ST18: variants seen among roughly 807,000 people sequenced by gnomAD.
ST18 encodes suppression of tumorigenicity 18 protein.
A neutral mutation model predicts 110.0 loss-of-function variants in ST18; 50 were observed. The observed-to-expected ratio is 0.45, with a 90% confidence interval of 0.36 to 0.58. The LOEUF (loss-of-function observed/expected upper bound fraction) is 0.58. Among genes scored for constraint, ST18 ranks in the 20% least tolerant of loss-of-function variants. The pLI, the probability that ST18 is intolerant of heterozygous loss-of-function variation, is 0.00. For missense variants in ST18, 1,306 were observed against 1,280.1 expected, an observed-to-expected ratio of 1.02 and a Z score of -0.31; for synonymous variants, 461 against 452.4, an observed-to-expected ratio of 1.02 and a Z score of -0.24.
intron 9 of ST18, among the ~76,000 whole-genome samples, chr8:52,173,493 C>T (rs951711594): frequency 1.3e-5 from 2 of 152,164 alleles, no homozygotes; most frequent in Non-Finnish European, 2.9e-5. Flanking sequence ...GTCAGTGTCA[C>T]CCCCTCTTGC....
chr8:52,297,427 A>G (rs1242134234), intron 2 of ST18, among the ~76,000 whole-genome samples: 2 of 152,240 alleles, frequency 1.3e-5, no homozygotes, highest in Non-Finnish European at 2.9e-5. Flanking sequence ...TTAAACAATA[A>G]TTTACATGTT....
rs184772614 is a variant in ST18, at chr8:52,361,782, A to T, written c.-465+47546T>A. 3.9e-3 allele frequency among the ~76,000 whole-genome samples: 593 copies of T among 152,278 alleles called. 2 individuals carry two copies. The highest frequency in any genetic ancestry group is 0.014 in the African/African-American group (563 of 41,570). ...TAATTATTTAAAAAATGCGTTTGGGATCATGCTGAGAGGTAGGGTTTTATT... is the reference window on the plus strand; with the variant it reads ...TAATTATTTAAAAAATGCGTTTGGGTTCATGCTGAGAGGTAGGGTTTTATT... On this transcript the variant is annotated intron_variant, in intron 2 of 25. Transcript: ENST00000689386.
chr8:52,357,672 T>TATAA (rs1183670847), intron 2 of ST18, among the ~76,000 whole-genome samples: 6 of 73,008 alleles, frequency 8.2e-5, no homozygotes, highest in South Asian at 4.5e-4. Flanking sequence ...CCCCAAAATC[T>TATAA]ATAAATATAT....
chr8:52,214,500 A>T (rs962065078), intron 6 of ST18, among the ~76,000 whole-genome samples: 4 of 152,208 alleles, frequency 2.6e-5, no homozygotes, highest in African/African-American at 9.7e-5. Context: ...CTTGTCCACA[A>T]GTGTTTGAAG....
chr8:52,180,303 A>G lies in ST18; in HGVS notation c.96T>C (p.Tyr32=), dbSNP rs754774955. The change falls in exon 9 of 26, where the codon TAT becomes TAC. Residue 32 remains tyrosine (Y), a synonymous_variant. Coordinates refer to ENST00000689386, the MANE Select transcript of ST18 (RefSeq NM_001352837.2). ...TTCTCTTCTTTGCCATGGAGCAATC[A>G]TAGGCAACACTGTAGTGATTGAGGA... is the stretch of plus-strand genomic sequence containing the variant. ...DSLIQELSVA[Y]DCSMAKKRTA... The G allele has an allele frequency of 1.7e-5, 27 of 1,614,142 alleles. No individual in the cohort carries two copies. The East Asian group carries it at 4.7e-4, about 28-fold the overall frequency.
At chr8:52,210,928 A>G (rs1211890001) in intron 8 of ST18, among the ~76,000 whole-genome samples, 1 of 152,210 alleles carries the variant, frequency 6.6e-6, no homozygotes, top group Non-Finnish European at 1.5e-5. Context: ...GAACTGTGTA[A>G]ATTGCATACC....
At chr8:52,208,156 T>C (rs2080782124) in intron 8 of ST18, among the ~76,000 whole-genome samples, 1 of 152,334 alleles carries the variant, frequency 6.6e-6, no homozygotes, top group East Asian at 1.9e-4. Flanking sequence ...ATTAGTGCCA[T>C]GAAGAATATA....
At chr8:52,313,908 G>T (rs916598135) in intron 2 of ST18, among the ~76,000 whole-genome samples, 5 of 152,216 alleles carry the variant, frequency 3.3e-5, no homozygotes, top group African/African-American at 7.2e-5. Context: ...AACATGGAAG[G>T]AAAAGTGGAG....
chr8:52,257,621 A>G (rs1029840914), intron 2 of ST18, among the ~76,000 whole-genome samples: 3 of 151,830 alleles, frequency 2.0e-5, no homozygotes, highest in Non-Finnish European at 4.4e-5. Context: ...ACCCAGTTTT[A>G]AGTTGGGTTA....
rs1418428110 is a variant in ST18 at position 52,143,063 on chromosome 8, A to C, written c.2053-18T>G. 8 of 1,498,914 alleles carry C rather than the reference A, an allele frequency of 5.3e-6. No individual in the cohort carries two copies. Among genetic ancestry groups the C allele is most frequent in the Middle Eastern group, 1.7e-4 (1 of 5,842 alleles). The allele number at this position is 1,498,914 out of a possible 1,614,324, so 92.9% of individuals were successfully genotyped here. A position where few individuals can be genotyped will look rare whatever the true frequency, so the allele number is the denominator to read the frequency against. ...GGGTCTTTCTGGAAAACAAACAAAA[A>C]ACAAACAAAACACAGAAGCCATTAG... is the stretch of plus-strand genomic sequence containing the variant. On this transcript the variant is annotated intron_variant, in intron 16 of 25. Coordinates refer to ENST00000689386, the MANE Select transcript of ST18 (RefSeq NM_001352837.2).
intron 2 of ST18, among the ~76,000 whole-genome samples, chr8:52,309,537 A>G (rs1051524571): frequency 3.3e-5 from 5 of 151,062 alleles, no homozygotes; most frequent in Non-Finnish European, 7.4e-5. Context: ...AAAAAAAAAA[A>G]AAAAAAAGAA....
intron 2 of ST18, among the ~76,000 whole-genome samples, chr8:52,272,289 C>A (rs1362277375): frequency 6.6e-6 from 1 of 151,788 alleles, no homozygotes; most frequent in Non-Finnish European, 1.5e-5. Flanking sequence ...TATTTGCAAG[C>A]CAAAAATATG....
At chr8:52,168,681 G>A (rs1233440841) in intron 10 of ST18, among the ~76,000 whole-genome samples, 5 of 152,148 alleles carry the variant, frequency 3.3e-5, no homozygotes, top group African/African-American at 1.2e-4. Context: ...TTTACATTAG[G>A]AAAGATAGGA....
At chr8:52,249,308 TAA>T (rs2094109053) in intron 2 of ST18, 1 of 152,376 alleles carries the variant, frequency 6.6e-6, no homozygotes, top group Non-Finnish European at 1.5e-5. Flanking sequence ...ACGGTTAGGC[TAA>T]GATCTGTTCT....
chr8:52,400,382 GA>G (rs1412224900), intron 2 of ST18, among the ~76,000 whole-genome samples: 1 of 152,060 alleles, frequency 6.6e-6, no homozygotes, highest in African/African-American at 2.4e-5. Flanking sequence ...CTTTTGATTG[GA>G]AAGTTTAATC....
At chr8:52,263,593 T>A (rs1399671195) in intron 2 of ST18, among the ~76,000 whole-genome samples, 2 of 148,942 alleles carry the variant, frequency 1.3e-5, no homozygotes, top group African/African-American at 2.5e-5. Context: ...CATAATATCA[T>A]GTAGTTTTTT....
At chr8:52,348,472 G>T (rs1445883855) in intron 2 of ST18, among the ~76,000 whole-genome samples, 1 of 152,232 alleles carries the variant, frequency 6.6e-6, no homozygotes, top group African/African-American at 2.4e-5. Flanking sequence ...GTATATTTCA[G>T]CTGGGTGCGG....
chr8:52,353,992 T>C (rs756504577), intron 2 of ST18, among the ~76,000 whole-genome samples: 10 of 152,252 alleles, frequency 6.6e-5, no homozygotes, highest in South Asian at 4.1e-4. Context: ...GCTAGCCCAC[T>C]CCACCTGCTG....
chr8:52,230,096 G>A lies in ST18; in HGVS notation c.-464-19C>T, dbSNP rs2090858458. 1 of 152,414 alleles carries A rather than the reference G, an allele frequency of 6.6e-6. No individual in the cohort carries two copies. The highest frequency in any genetic ancestry group is 6.6e-5 in the Admixed American group (1 of 15,264). The allele number at this position is 152,414 out of a possible 1,614,324, so 9.4% of individuals were successfully genotyped here. A position where few individuals can be genotyped will look rare whatever the true frequency, so the allele number is the denominator to read the frequency against. On this transcript the variant is annotated intron_variant, in intron 2 of 25. Transcript: ENST00000689386. ...ATCACTCCTGAGGAAAAGCATCGGA[G>A]GAGGAAAAATGGAAAGAAAAACAAA...
Sources: allele counts gnomAD v4.1 joint callset (sites outside exome capture counted in the v4.1 genomes callset), GRCh38; gene constraint gnomAD v4.1.1; transcripts MANE v1.5; gene names NCBI Gene and HGNC (gene_info 2026-07-23, HGNC 2026-07-21).